Variants in ZNF471 observed in about 807,000 individuals in gnomAD.
The protein encoded by ZNF471 is zinc finger protein 471.
In ZNF471, 7 loss-of-function variants were observed where a neutral mutation model predicts 13.7. That is an observed-to-expected ratio of 0.51 (90% CI 0.29 to 0.96). ZNF471 has a LOEUF of 0.96. Ranked by LOEUF, ZNF471 falls within the 40% of genes least tolerant of loss-of-function variation. The pLI, the probability that ZNF471 is intolerant of heterozygous loss-of-function variation, is 0.08. For missense variants in ZNF471, 663 were observed against 743.3 expected, an observed-to-expected ratio of 0.89 and a Z score of 1.26; for synonymous variants, 218 against 235.6, an observed-to-expected ratio of 0.93 and a Z score of 0.68.
Position 56,509,487 on chromosome 19 carries a change from G to A in ZNF471, c.-56+1567G>A, listed in dbSNP as rs148999155. Among the ~76,000 whole-genome samples, 56 of 152,330 alleles carry A rather than the reference G, an allele frequency of 3.7e-4. No homozygotes were observed. The Middle Eastern group carries it at 0.01, about 28-fold the overall frequency. On this transcript the variant is annotated intron_variant, in intron 1 of 4. Transcript: ENST00000308031. ...GCAAGGAGGGGGTCATAGGAACCCC[G>A]ATTTATAGCTAGTCAGAAGCACAAG...
chr19:56,509,907 A>G, intron 1 of ZNF471: 2 of 985,378 alleles, frequency 2.0e-6, no homozygotes, highest in Non-Finnish European at 2.4e-6. Flanking sequence ...AATGTGTGAG[A>G]GAAATAGATG....
In ZNF471 at chr19:56,511,550, A is replaced by C. The variant is rs1349302270; in HGVS notation, c.-22A>C. The C allele has an allele frequency of 6.2e-7, 1 of 1,613,998 alleles. No homozygotes were observed. Among genetic ancestry groups the C allele is most frequent in the Non-Finnish European group, 8.5e-7 (1 of 1,179,908 alleles). ...TCCCAAGACACTGTTCTTCAAGAGA[A>C]AGACCAGAAGAGAAGGCAAAAATGA... On this transcript the variant is annotated 5_prime_UTR_variant, in exon 2 of 5. Transcript: ENST00000308031.
intron 4 of ZNF471, among the ~76,000 whole-genome samples, chr19:56,521,148 C>T (rs941070271): frequency 2.6e-5 from 4 of 152,008 alleles, no homozygotes; most frequent in Non-Finnish European, 5.9e-5. Flanking sequence ...TCCACCTGGC[C>T]CCACCCTTGA....
rs2043770448 is a variant in ZNF471, at chr19:56,508,783, G to T, written c.-56+863G>T. On this transcript the variant is annotated intron_variant, in intron 1 of 4. Coordinates refer to ENST00000308031, the MANE Select transcript of ZNF471 (RefSeq NM_020813.4). The surrounding 1 kb of genome is among the most constrained non-coding windows in gnomAD (Gnocchi z 4.7). The stretch of plus-strand genomic sequence containing the variant: ...AGAGAGACCAGAGTGTGAGACCAGG[G>T]TGTGTTCGTGTGTGAGAGACAACAT... Among the ~76,000 whole-genome samples, 1 of 151,998 alleles carries T rather than the reference G, an allele frequency of 6.6e-6. No individual in the cohort carries two copies. Among genetic ancestry groups the T allele is most frequent in the African/African-American group, 2.4e-5 (1 of 41,370 alleles).
intron 2 of ZNF471, among the ~76,000 whole-genome samples, chr19:56,513,254 C>T (rs1377856394): frequency 2.0e-5 from 3 of 152,188 alleles, no homozygotes; most frequent in Non-Finnish European, 2.9e-5. Flanking sequence ...CAGTAACCTA[C>T]TACTATAGAT....
At position 56,516,097 on chromosome 19, in the gene ZNF471, C is replaced by T. The variant is rs944300940; in HGVS notation, c.34-178C>T. 4.6e-5 allele frequency among the ~76,000 whole-genome samples: 7 copies of T among 152,164 alleles called. No individual in the cohort carries two copies. The highest frequency in any genetic ancestry group is 8.8e-5 in the Non-Finnish European group (6 of 68,046). ...TCCCTATGTTCGGAATCGATTGGCC[C>T]CATTGTACCCAATGCAGTTAAACAC... On this transcript the variant is annotated intron_variant, in intron 2 of 4. Coordinates refer to ENST00000308031, the MANE Select transcript of ZNF471 (RefSeq NM_020813.4). This position sits in a 1 kb window ranked among gnomAD's most constrained non-coding sequence, Gnocchi z 4.4.
Position 56,525,960 on chromosome 19 carries a change from A to C in ZNF471, c.*12A>C. 1.3e-6 allele frequency: 2 copies of C among 1,537,240 alleles called. No individual in the cohort carries two copies. The highest frequency in any genetic ancestry group is 1.7e-6 in the Non-Finnish European group (2 of 1,145,926). On this transcript the variant is annotated 3_prime_UTR_variant, in exon 5 of 5. Coordinates refer to ENST00000308031, the MANE Select transcript of ZNF471 (RefSeq NM_020813.4). Reference sequence around the variant, plus strand: ...GAGAAGAACCTTAAGAATGTAGTGCATGTGGCCAAGCCTTTAGTTATCACC... The same window carrying C: ...GAGAAGAACCTTAAGAATGTAGTGCCTGTGGCCAAGCCTTTAGTTATCACC...
rs960932956 is a variant in ZNF471 at position 56,509,976 on chromosome 19, T to C, written c.-55-1541T>C. Reference sequence around the variant, plus strand: ...CCTGGAGTCTGAGAAAGATCATGTGTGTGTCTGAGTAAAAGCAAGAGACTA... The same window carrying C: ...CCTGGAGTCTGAGAAAGATCATGTGCGTGTCTGAGTAAAAGCAAGAGACTA... On this transcript the variant is annotated intron_variant, in intron 1 of 4. Coordinates refer to ENST00000308031, the MANE Select transcript of ZNF471 (RefSeq NM_020813.4). 1.0e-5 allele frequency: 10 copies of C among 985,438 alleles called. No homozygotes were observed. The East Asian group carries it at 7.9e-4, about 78-fold the overall frequency. 61.0% of individuals were successfully genotyped at this position (985,438 alleles called of 1,614,324 possible).
intron 1 of ZNF471, chr19:56,509,752 TG>T: frequency 3.0e-6 from 1 of 334,588 alleles, no homozygotes; most frequent in Non-Finnish European, 4.2e-6. Flanking sequence ...TGTGTGTGTG[TG>T]TAGATCCCCA....
chr19:56,520,965 G>A (rs1252144799), intron 4 of ZNF471, among the ~76,000 whole-genome samples: 2 of 152,206 alleles, frequency 1.3e-5, no homozygotes, highest in Non-Finnish European at 2.9e-5. Flanking sequence ...TGGCTGGGGA[G>A]CCCTGACAGT....
chr19:56,513,224 T>C (rs1022082359), intron 2 of ZNF471, among the ~76,000 whole-genome samples: 3 of 152,232 alleles, frequency 2.0e-5, no homozygotes, highest in African/African-American at 7.2e-5. Context: ...TTCTTGATTA[T>C]TTTAGTTTTA....
chr19:56,524,388 C>A lies in ZNF471; in HGVS notation c.321C>A (p.Cys107Ter), dbSNP rs200833196. The A allele has an allele frequency of 2.8e-5, 45 of 1,611,404 alleles. No homozygotes were observed. The highest frequency in any genetic ancestry group is 2.5e-5 in the Non-Finnish European group (29 of 1,179,244). ...PLKQFMYDDA[C>*]MEGITSYGLE... The stretch of plus-strand genomic sequence containing the variant: ...AGCAGTTCATGTATGATGATGCATG[C>A]ATGGAGGGAATTACTAGCTATGGAC... The change falls in exon 5 of 5, where the codon TGC becomes TGA. Residue 107 changes from cysteine (C) to a stop codon, truncating the protein, a stop_gained. Transcript: ENST00000308031. LOFTEE classifies it low-confidence loss of function (END_TRUNC). This position sits in a 1 kb window ranked among gnomAD's most constrained non-coding sequence, Gnocchi z 4.8.
intron 4 of ZNF471, 83 bp downstream of exon 4, chr19:56,518,660 C>A: frequency 3.5e-6 from 4 of 1,158,858 alleles, no homozygotes; most frequent in East Asian, 2.5e-5. Context: ...CTCACTTATG[C>A]ATCTCAGAAA....
chr19:56,524,835 T>C lies in ZNF471; in HGVS notation c.768T>C (p.His256=). 1.2e-6 allele frequency: 2 copies of C among 1,612,590 alleles called. No individual in the cohort carries two copies. Among genetic ancestry groups the C allele is most frequent in the Non-Finnish European group, 1.7e-6 (2 of 1,179,346 alleles). Residue 256 remains histidine, a synonymous_variant, in exon 5 of 5, where the codon CAT becomes CAC. Coordinates refer to ENST00000308031, the MANE Select transcript of ZNF471 (RefSeq NM_020813.4). The surrounding 1 kb of genome is among the most constrained non-coding windows in gnomAD (Gnocchi z 4.8). ...ACCTTGCTCAACATCACAGAACACATACTGGAGAGAAACTCTTTGAATGTA... is the reference window on the plus strand; with the variant it reads ...ACCTTGCTCAACATCACAGAACACACACTGGAGAGAAACTCTTTGAATGTA... ...RQHLAQHHRT[H]TGEKLFECKE... is the part of the protein sequence containing the mutation.
rs957915050 is a variant in ZNF471 at position 56,522,795 on chromosome 19, G to A, written c.257-1529G>A. ...CTTGTCACCCAGGCTGGAGTGCAAT[G>A]GCACAGTCTTGGCTCACTGCAACCT... On this transcript the variant is annotated intron_variant, in intron 4 of 4. Transcript: ENST00000308031. This position sits in a 1 kb window ranked among gnomAD's most constrained non-coding sequence, Gnocchi z 4.1. Among the ~76,000 whole-genome samples, 9 of 149,810 alleles carry A rather than the reference G, an allele frequency of 6.0e-5. No individual in the cohort carries two copies. Among genetic ancestry groups the A allele is most frequent in the East Asian group, 5.9e-4 (3 of 5,072 alleles).
rs924074527 is a variant in ZNF471, at chr19:56,525,958, G to A, written c.*10G>A. ...TGGAGAAGAACCTTAAGAATGTAGT[G>A]CATGTGGCCAAGCCTTTAGTTATCA... On this transcript the variant is annotated 3_prime_UTR_variant, in exon 5 of 5. Transcript: ENST00000308031. 3.9e-6 allele frequency: 6 copies of A among 1,537,792 alleles called. No homozygotes were observed. The South Asian group carries it at 5.2e-5, about 13-fold the overall frequency.
At chr19:56,512,870 A>T (rs1243517754) in intron 2 of ZNF471, among the ~76,000 whole-genome samples, 3 of 152,108 alleles carry the variant, frequency 2.0e-5, no homozygotes, top group Admixed American at 6.5e-5. Context: ...TTCATATGGA[A>T]AGTTACGTTA....
rs2044041448 is a variant in ZNF471, at chr19:56,525,935, G to A, written c.1868G>A (p.Gly623Glu). 3.2e-6 allele frequency: 5 copies of A among 1,560,476 alleles called. No individual in the cohort carries two copies. The highest frequency in any genetic ancestry group is 4.3e-6 in the Non-Finnish European group (5 of 1,157,446). The change falls in exon 5 of 5, where the codon GGA (glycine) becomes GAA (glutamate). Residue 623 changes from glycine (G) to glutamate (E), a missense_variant. Physicochemically the swap from Gly to Glu is moderately conservative, Grantham distance 98 (BLOSUM62 -2). Transcript: ENST00000308031. ...SLICHQRSHT[G>E]EEP ...ATTTGTCATCAAAGAAGTCATACTG[G>A]AGAAGAACCTTAAGAATGTAGTGCA...
rs1204162446 is a variant in ZNF471, at chr19:56,529,848, A to G, written c.*3900A>G. On this transcript the variant is annotated 3_prime_UTR_variant, in exon 5 of 5. Coordinates refer to ENST00000308031, the MANE Select transcript of ZNF471 (RefSeq NM_020813.4). ...CCGTATTTTCAAATATTGAGAGGGT[A>G]AATTAGAGGAAAGCCATTTTAGAGG... The G allele has an allele frequency of 6.6e-6, 1 of 152,202 alleles. No homozygotes were observed. The allele number at this position is 152,202 out of a possible 1,614,324, so 9.4% of individuals were successfully genotyped here. A position where few individuals can be genotyped will look rare whatever the true frequency, so the allele number is the denominator to read the frequency against.
Sources: gnomAD v4.1 joint callset for allele counts (sites outside exome capture counted in the v4.1 genomes callset) on GRCh38, gnomAD v4.1.1 for gene constraint, Gnocchi (gnomAD v3.1) non-coding constraint, MANE v1.5 for transcripts, NCBI Gene and HGNC (gene_info 2026-07-23, HGNC 2026-07-21) for gene names.